ACAP2: variants seen among roughly 807,000 people sequenced by gnomAD.
ACAP2 encodes ArfGAP with coiled-coil, ankyrin repeat and PH domains 2.
In ACAP2, 39 loss-of-function variants were observed where a neutral mutation model predicts 115.8. That is an observed-to-expected ratio of 0.34 (90% CI 0.26 to 0.44). The LOEUF (loss-of-function observed/expected upper bound fraction) is 0.44. Ranked by LOEUF, ACAP2 falls within the 20% of genes least tolerant of loss-of-function variation. The pLI is 1.00. For synonymous variants in ACAP2, 289 were observed against 315.8 expected (o/e 0.92, Z 0.90); for missense variants, 662 against 927.6 (o/e 0.71, Z 3.72).
rs758344235 is a variant in ACAP2 at position 195,301,564 on chromosome 3, A to AT, written c.1395+10dup. On this transcript the variant is annotated intron_variant, in intron 15 of 22. Coordinates refer to ENST00000326793, the MANE Select transcript of ACAP2 (RefSeq NM_012287.6). The stretch of plus-strand genomic sequence containing the variant: ...AAATATGAAATATTTTAAAGCAAAA[A>AT]TTTTTTTTACCTTTAAAAGTTCTGG... 1.5e-5 allele frequency: 23 copies of AT among 1,582,628 alleles called. No homozygotes were observed. Among genetic ancestry groups the AT allele is most frequent in the East Asian group, 8.9e-5 (4 of 44,738 alleles).
At chr3:195,319,784 T>G (rs778888390) in intron 10 of ACAP2, among the ~76,000 whole-genome samples, 1 of 152,180 alleles carries the variant, frequency 6.6e-6, no homozygotes, top group Non-Finnish European at 1.5e-5. Context: ...CTTGGACTTT[T>G]GAGTTAATGC....
chr3:195,295,468 C>A (rs1009277591), intron 17 of ACAP2: 3 of 574,040 alleles, frequency 5.2e-6, no homozygotes, highest in Non-Finnish European at 9.0e-6. Flanking sequence ...CCCATCTCCC[C>A]TTGCATTTTA....
intron 6 of ACAP2, among the ~76,000 whole-genome samples, chr3:195,338,763 T>C (rs1730679447): frequency 6.6e-6 from 1 of 152,170 alleles, no homozygotes; most frequent in East Asian, 1.9e-4. Flanking sequence ...ATCAGCTTAA[T>C]GAAATGTTTA....
chr3:195,374,963 G>A (rs1291933103), intron 4 of ACAP2, among the ~76,000 whole-genome samples: 13 of 151,722 alleles, frequency 8.6e-5, no homozygotes, highest in South Asian at 4.2e-4. Flanking sequence ...AGGCCAAGGC[G>A]GGCAGATCAC....
At chr3:195,437,587 T>C (rs377392893) in intron 1 of ACAP2, among the ~76,000 whole-genome samples, 3 of 152,182 alleles carry the variant, frequency 2.0e-5, no homozygotes, top group East Asian at 3.9e-4. Flanking sequence ...AGGCCGAAGC[T>C]GGTGGATCAC....
Position 195,433,734 on chromosome 3 carries a change from T to C in ACAP2, c.53+9061A>G, listed in dbSNP as rs546207901. ...GTTTTAATACTTTACCCTATTATTATAGTATATTGCATTGATTGATTTTTG... is the reference window on the plus strand; with the variant it reads ...GTTTTAATACTTTACCCTATTATTACAGTATATTGCATTGATTGATTTTTG... On this transcript the variant is annotated intron_variant, in intron 1 of 22. Coordinates refer to ENST00000326793, the MANE Select transcript of ACAP2 (RefSeq NM_012287.6). Among the ~76,000 whole-genome samples, 10 of 152,364 alleles carry C rather than the reference T, an allele frequency of 6.6e-5. No homozygotes were observed. In the East Asian group the frequency reaches 7.7e-4, roughly 12 times the overall value.
At chr3:195,406,294 T>C (rs1712763086) in intron 1 of ACAP2, among the ~76,000 whole-genome samples, 2 of 152,302 alleles carry the variant, frequency 1.3e-5, no homozygotes, top group East Asian at 1.9e-4. Context: ...CTAAAGGAGA[T>C]TGTGTAATTT....
chr3:195,287,425 G>A (rs997748183), intron 21 of ACAP2, among the ~76,000 whole-genome samples: 1 of 150,128 alleles, frequency 6.7e-6, no homozygotes, highest in Admixed American at 6.6e-5. Context: ...TTTTGAGACA[G>A]GGTCTCATTC....
At chr3:195,303,174 T>C (rs1465794138) in intron 13 of ACAP2, among the ~76,000 whole-genome samples, 1 of 149,824 alleles carries the variant, frequency 6.7e-6, no homozygotes, top group Non-Finnish European at 1.5e-5. Context: ...CAAGATCATG[T>C]TGACAAGAGT....
intron 13 of ACAP2, among the ~76,000 whole-genome samples, chr3:195,302,905 C>T (rs1359678354): frequency 2.6e-5 from 4 of 151,926 alleles, no homozygotes; most frequent in Admixed American, 6.6e-5. Context: ...GGCAACAGAG[C>T]AAGAGCCTGT....
At chr3:195,341,770 C>T (rs1730893990) in intron 6 of ACAP2, among the ~76,000 whole-genome samples, 1 of 152,160 alleles carries the variant, frequency 6.6e-6, no homozygotes. Context: ...GTTATTATCA[C>T]TCACAATTAT....
chr3:195,387,837 T>C (rs1734404584), intron 2 of ACAP2, among the ~76,000 whole-genome samples: 1 of 152,218 alleles, frequency 6.6e-6, no homozygotes, highest in South Asian at 2.1e-4. Context: ...TTATTTAGAA[T>C]TTACCACGTG....
chr3:195,345,413 A>G, intron 4 of ACAP2, 96 bp from the exon 5 acceptor site: 1 of 729,436 alleles, frequency 1.4e-6, no homozygotes, highest in Non-Finnish European at 2.4e-6. Flanking sequence ...CAATTCTTCA[A>G]TTCTAATACC....
intron 2 of ACAP2, among the ~76,000 whole-genome samples, chr3:195,387,815 C>T (rs1734402579): frequency 6.6e-6 from 1 of 152,220 alleles, no homozygotes; most frequent in Admixed American, 6.5e-5. Flanking sequence ...GTTGAAGAGA[C>T]AGCATCATTG....
intron 1 of ACAP2, chr3:195,410,948 A>G (rs1244509093): frequency 2.8e-6 from 1 of 355,668 alleles, no homozygotes; most frequent in Non-Finnish European, 5.6e-6. Flanking sequence ...AAGCAGAGAT[A>G]GCTGGCCCTC....
chr3:195,385,348 T>C (rs1016437309), intron 2 of ACAP2, among the ~76,000 whole-genome samples: 9 of 151,452 alleles, frequency 5.9e-5, no homozygotes, highest in African/African-American at 1.9e-4. Flanking sequence ...TTTCCTATTG[T>C]TGTTTGCTTT....
chr3:195,360,014 G>A (rs559459020), intron 4 of ACAP2, among the ~76,000 whole-genome samples: 1 of 152,258 alleles, frequency 6.6e-6, no homozygotes, highest in African/African-American at 2.4e-5. Context: ...CAACATGGCA[G>A]GTGTAAATCC....
chr3:195,369,261 CTTAAT>C (rs1462508519), intron 4 of ACAP2, among the ~76,000 whole-genome samples: 1 of 151,920 alleles, frequency 6.6e-6, no homozygotes, highest in East Asian at 1.9e-4. Context: ...TTACTAAATG[CTTAAT>C]TTTTTATTTA....
At chr3:195,438,785 C>A (rs1388788877) in intron 1 of ACAP2, among the ~76,000 whole-genome samples, 1 of 152,198 alleles carries the variant, frequency 6.6e-6, no homozygotes, top group Non-Finnish European at 1.5e-5. Context: ...TCTAGCCGGG[C>A]ATGGTGGCTT....
Sources: allele counts gnomAD v4.1 joint callset (sites outside exome capture counted in the v4.1 genomes callset), GRCh38; gene constraint gnomAD v4.1.1; transcripts MANE v1.5; gene names NCBI Gene and HGNC (gene_info 2026-07-23, HGNC 2026-07-21).